CCDC195: variants seen among roughly 807,000 people sequenced by gnomAD.
The protein encoded by CCDC195 is coiled-coil domain containing 195.
chr2:224,713,703 A>G (rs1427094341), intron 1 of CCDC195, among the ~76,000 whole-genome samples: 1 of 152,136 alleles, frequency 6.6e-6, no homozygotes, highest in Non-Finnish European at 1.5e-5. Context: ...AAGTAACTCA[A>G]CAGGACTCCC....
chr2:224,712,934 T>A (rs530976171), intron 1 of CCDC195, among the ~76,000 whole-genome samples: 1 of 151,914 alleles, frequency 6.6e-6, no homozygotes, highest in East Asian at 1.9e-4. Flanking sequence ...AGTGGTGCAA[T>A]CTCAGCTCAC....
chr2:224,713,980 C>T (rs1689351817), intron 1 of CCDC195, among the ~76,000 whole-genome samples: 1 of 151,658 alleles, frequency 6.6e-6, no homozygotes, highest in Non-Finnish European at 1.5e-5. Context: ...CCTGGCTAAT[C>T]CTTTTCTTTT....
In CCDC195 at chr2:224,710,044, C is replaced by T. The variant is rs1689295529; in HGVS notation, c.411G>A (p.Val137=). 1.0e-5 allele frequency: 4 copies of T among 398,506 alleles called. No individual in the cohort carries two copies. In the South Asian group the frequency reaches 3.8e-4, roughly 38 times the overall value. 24.7% of individuals were successfully genotyped at this position (398,506 alleles called of 1,614,324 possible). ...TGCTGGTGAGAGAATCTGTGGCAAA[C>T]ACCTTTTCTTCCATGTCTTGCTTCT... The change falls in exon 2 of 3, where the codon GTG becomes GTA. Residue 137 remains valine (V), a synonymous_variant. Transcript: ENST00000638102.
intron 2 of CCDC195, among the ~76,000 whole-genome samples, chr2:224,707,725 G>A (rs781187539): frequency 6.6e-6 from 1 of 152,160 alleles, no homozygotes; most frequent in Non-Finnish European, 1.5e-5. Context: ...AGAGAATCCT[G>A]CCCAACATGC....
At chr2:224,707,890 C>T (rs1431721983) in intron 2 of CCDC195, among the ~76,000 whole-genome samples, 1 of 151,522 alleles carries the variant, frequency 6.6e-6, no homozygotes, top group Non-Finnish European at 1.5e-5. Flanking sequence ...AACTTTCTTT[C>T]TTTCTCTCCT....
chr2:224,705,434 A>C (rs901284439), intron 2 of CCDC195, among the ~76,000 whole-genome samples: 3 of 152,178 alleles, frequency 2.0e-5, no homozygotes, highest in Admixed American at 6.5e-5. Context: ...GAAAGCTTTG[A>C]TTCTTAGAAA....
intron 2 of CCDC195, among the ~76,000 whole-genome samples, chr2:224,709,673 C>T (rs1381591457): frequency 6.6e-6 from 1 of 152,140 alleles, no homozygotes; most frequent in Non-Finnish European, 1.5e-5. Flanking sequence ...AATGTAATGG[C>T]TTACTTTTGC....
At chr2:224,706,350 A>G (rs1162272975) in intron 2 of CCDC195, among the ~76,000 whole-genome samples, 1 of 149,064 alleles carries the variant, frequency 6.7e-6, no homozygotes, top group African/African-American at 2.5e-5. Context: ...GACTACAGGC[A>G]TACACCGCCA....
intron 1 of CCDC195, among the ~76,000 whole-genome samples, chr2:224,712,422 ACT>A (rs1242867673): frequency 1.3e-5 from 2 of 152,212 alleles, no homozygotes. Context: ...ATATTTGTGC[ACT>A]ATTACAGATG....
intron 2 of CCDC195, among the ~76,000 whole-genome samples, chr2:224,709,086 C>CTTTTTTTTTTT (rs35179742): frequency 1.4e-4 from 13 of 95,750 alleles, no homozygotes; most frequent in South Asian, 4.0e-4. Flanking sequence ...TTTCTTTTGT[C>CTTTTTTTTTTT]TTTTTTTTTT....
At chr2:224,706,926 T>G (rs1392563737) in intron 2 of CCDC195, among the ~76,000 whole-genome samples, 1 of 152,084 alleles carries the variant, frequency 6.6e-6, no homozygotes, top group Non-Finnish European at 1.5e-5. Flanking sequence ...CGCACTTTTT[T>G]TTTTAAGGAA....
chr2:224,708,007 CCTTT>C (rs1328232423), intron 2 of CCDC195, among the ~76,000 whole-genome samples: 6 of 50,302 alleles, frequency 1.2e-4, no homozygotes, highest in Non-Finnish European at 2.0e-4. Context: ...TCCCTTCCTT[CCTTT>C]CTTCCTTCCT....
At chr2:224,713,988 TTTCTTTTCTTTTCTA>T (rs1689352084) in intron 1 of CCDC195, among the ~76,000 whole-genome samples, 3 of 151,980 alleles carry the variant, frequency 2.0e-5, no homozygotes, top group East Asian at 1.9e-4. Context: ...ATCCTTTTCT[TTTCTTTTCTTTTCTA>T]TTCTTTTCTT....
At chr2:224,708,818 C>G (rs1174930948) in intron 2 of CCDC195, among the ~76,000 whole-genome samples, 1 of 152,184 alleles carries the variant, frequency 6.6e-6, no homozygotes, top group Non-Finnish European at 1.5e-5. Context: ...ACCCAGGTCC[C>G]CTCCTCTTGA....
At chr2:224,716,074 A>G in intron 1 of CCDC195, 57 bp downstream of exon 1, 1 of 397,938 alleles carries the variant, frequency 2.5e-6, no homozygotes, top group Admixed American at 4.4e-5. Context: ...ACACTTAACT[A>G]TTTCACGATA....
chr2:224,705,850 G>A (rs1697234111), intron 2 of CCDC195, among the ~76,000 whole-genome samples: 1 of 152,122 alleles, frequency 6.6e-6, no homozygotes, highest in Non-Finnish European at 1.5e-5. Context: ...TTAGAAATGG[G>A]TTGTATTCTA....
chr2:224,709,915 T>A (rs1689293634), intron 2 of CCDC195, 58 bp downstream of exon 2: 1 of 398,342 alleles, frequency 2.5e-6, no homozygotes, highest in Non-Finnish European at 4.4e-6. Context: ...CAGGGGAAAG[T>A]CTCAGTAACC....
At chr2:224,714,956 G>T (rs1422574049) in intron 1 of CCDC195, among the ~76,000 whole-genome samples, 6 of 151,730 alleles carry the variant, frequency 4.0e-5, no homozygotes. Context: ...TTGAGATGGA[G>T]TCTCACTCTG....
chr2:224,705,153 G>C (rs1697227628), intron 2 of CCDC195, among the ~76,000 whole-genome samples: 1 of 152,122 alleles, frequency 6.6e-6, no homozygotes, highest in Non-Finnish European at 1.5e-5. Context: ...TGTAAATGAT[G>C]ATGGAGGTGG....
Sources: allele counts gnomAD v4.1 joint callset (sites outside exome capture counted in the v4.1 genomes callset), GRCh38; gene constraint gnomAD v4.1.1; transcripts MANE v1.5; gene names NCBI Gene and HGNC (gene_info 2026-07-23, HGNC 2026-07-21).